The following PRRT1 variants were observed in gnomAD, a reference collection of about 807,000 sequenced individuals.
PRRT1 encodes the protein proline-rich transmembrane protein 1.
A neutral mutation model predicts 22.6 loss-of-function variants in PRRT1; 8 were observed. That is an observed-to-expected ratio of 0.35 (90% CI 0.21 to 0.64). The LOEUF (loss-of-function observed/expected upper bound fraction) is 0.64, where lower values mean the gene tolerates loss of function less well. Ranked by LOEUF, PRRT1 falls within the 30% of genes least tolerant of loss-of-function variation. PRRT1 has a pLI of 0.69. For synonymous variants in PRRT1, 176 were observed against 203.6 expected (o/e 0.86, Z 1.15); for missense variants, 315 against 444.5 (o/e 0.71, Z 2.62).
chr6:32,149,459 C>A lies in PRRT1; in HGVS notation c.745-61G>T. The A allele has an allele frequency of 6.2e-7, 1 of 1,600,536 alleles. No individual in the cohort carries two copies. On this transcript the variant is annotated intron_variant, in intron 3 of 3. Transcript: ENST00000211413. This position sits in a 1 kb window ranked among gnomAD's most constrained non-coding sequence, Gnocchi z 8.7. ...CTGCGGCCTCGTTCGAACGCCTCAG[C>A]CTTTCTCTAAGATGGTCCCCAGAAC...
intron 1 of PRRT1, chr6:32,151,331 A>C: frequency 2.3e-6 from 1 of 427,352 alleles, no homozygotes; most frequent in Non-Finnish European, 4.3e-6. Context: ...GTGGGATGAC[A>C]TGTGTTCCAC....
chr6:32,151,243 C>A (rs1416267485), intron 1 of PRRT1: 3 of 585,134 alleles, frequency 5.1e-6, no homozygotes, highest in Non-Finnish European at 9.2e-6. Context: ...CCTATCCGAG[C>A]TAGTCCTGTG....
chr6:32,148,971 A>T lies in PRRT1; in HGVS notation c.*251T>A, dbSNP rs1463679106. The T allele has an allele frequency of 1.4e-6, 1 of 695,942 alleles. No individual in the cohort carries two copies. The highest frequency in any genetic ancestry group is 1.8e-5 in the African/African-American group (1 of 57,110). The allele number at this position is 695,942 out of a possible 1,614,324, so 43.1% of individuals were successfully genotyped here. ...AGGGTGAGGGGGCCTGGAGCGACTG[A>T]GGGTCCGGCGTTTGGCCGGGATCCC... On this transcript the variant is annotated 3_prime_UTR_variant, in exon 4 of 4. Coordinates refer to ENST00000211413, the MANE Select transcript of PRRT1 (RefSeq NM_030651.4). The surrounding 1 kb of genome is among the most constrained non-coding windows in gnomAD (Gnocchi z 5.7).
At position 32,150,839 on chromosome 6, in the gene PRRT1, G is replaced by C; in HGVS notation, c.87C>G (p.Pro29=). ...PYNAPQPPAE[P]PAPPPQAAPS... is the part of the protein sequence containing the mutation. The stretch of plus-strand genomic sequence containing the variant: ...GGGCTGCCTGTGGCGGTGGGGCTGG[G>C]GGTTCGGCTGGAGGCTGAGGGGCAT... The change falls in exon 2 of 4, where the codon CCC becomes CCG. Residue 29 remains proline (P), a synonymous_variant. Coordinates refer to ENST00000211413, the MANE Select transcript of PRRT1 (RefSeq NM_030651.4). The surrounding 1 kb of genome is among the most constrained non-coding windows in gnomAD (Gnocchi z 7.2). The C allele has an allele frequency of 6.3e-7, 1 of 1,579,670 alleles. No homozygotes were observed. The highest frequency in any genetic ancestry group is 8.6e-7 in the Non-Finnish European group (1 of 1,164,178).
In PRRT1 at chr6:32,150,437, G is replaced by A. The variant is rs756527525; in HGVS notation, c.489C>T (p.Tyr163=). 3 of 1,526,712 alleles carry A rather than the reference G, an allele frequency of 2.0e-6. 1 individual carries two copies. Among genetic ancestry groups the A allele is most frequent in the East Asian group, 2.7e-5 (1 of 37,280 alleles). 94.6% of individuals were successfully genotyped at this position (1,526,712 alleles called of 1,614,324 possible). A position where few individuals can be genotyped will look rare whatever the true frequency, so the allele number is the denominator to read the frequency against. ...GTVGTLPLGG[Y]VAPGYPLQLQ... ...GCTGCAGGGGGTATCCGGGCGCTAC[G>A]TAGCCCCCCAGCGGCAGCGTGCCCA... Residue 163 remains tyrosine (Y), a synonymous_variant, in exon 2 of 4, where the codon TAC becomes TAT. Coordinates refer to ENST00000211413, the MANE Select transcript of PRRT1 (RefSeq NM_030651.4). The surrounding 1 kb of genome is among the most constrained non-coding windows in gnomAD (Gnocchi z 7.2).
upstream of PRRT1, chr6:32,151,984 A>AGGGGGGGGG: frequency 3.9e-5 from 3 of 76,794 alleles, no homozygotes; most frequent in Non-Finnish European, 7.6e-5. Flanking sequence ...GGGCGGAGGG[A>AGGGGGGGGG]GAGCGGGGAG....
chr6:32,150,322 T>G lies in PRRT1; in HGVS notation c.558+46A>C. 3 of 1,539,122 alleles carry G rather than the reference T, an allele frequency of 1.9e-6. No individual in the cohort carries two copies. The highest frequency in any genetic ancestry group is 1.7e-6 in the Non-Finnish European group (2 of 1,152,618). ...AGCGTATCCCCAATTTCAAGTCCTG[T>G]ATCGCGTCCCCCTCTTTCCCATGTC... On this transcript the variant is annotated intron_variant, in intron 2 of 3. Transcript: ENST00000211413. This position sits in a 1 kb window ranked among gnomAD's most constrained non-coding sequence, Gnocchi z 7.2.
upstream of PRRT1, chr6:32,151,951 C>CGGGGGGGGGGGCGGGGGGGGGGGGG: frequency 4.7e-6 from 1 of 214,888 alleles, no homozygotes; most frequent in South Asian, 2.8e-5. Flanking sequence ...AAGGCAGCGG[C>CGGGGGGGGGGGCGGGGGGGGGGGGG]GGGGGGGGGG....
In PRRT1 at chr6:32,150,516, G is replaced by A; in HGVS notation, c.410C>T (p.Pro137Leu). 7.2e-7 allele frequency: 1 copy of A among 1,395,004 alleles called. No homozygotes were observed. The highest frequency in any genetic ancestry group is 9.3e-7 in the Non-Finnish European group (1 of 1,077,194). 86.4% of individuals were successfully genotyped at this position (1,395,004 alleles called of 1,614,324 possible). A position where few individuals can be genotyped will look rare whatever the true frequency, so the allele number is the denominator to read the frequency against. The change falls in exon 2 of 4, where the codon CCA becomes CTA. Residue 137 changes from proline to leucine, a missense_variant. By Grantham distance (98) the Pro-to-Leu change is moderately conservative. Transcript: ENST00000211413. This position sits in a 1 kb window ranked among gnomAD's most constrained non-coding sequence, Gnocchi z 7.2. ...PAAAAPPPPAPAQTAQAPGFV... is the reference protein window; with the variant it reads ...PAAAAPPPPALAQTAQAPGFV... ...GCCAGGGGCCTGGGCAGTCTGGGCT[G>A]GCGCCGGCGGGGGCGGGGCGGCGGC...
rs897987521 is a variant in PRRT1, at chr6:32,148,957, G to T, written c.*265C>A. ...GGCGCTACACTTTGAGGGTGAGGGG[G>T]CCTGGAGCGACTGAGGGTCCGGCGT... On this transcript the variant is annotated 3_prime_UTR_variant, in exon 4 of 4. Transcript: ENST00000211413. The surrounding 1 kb of genome is among the most constrained non-coding windows in gnomAD (Gnocchi z 5.7). 6 of 691,294 alleles carry T rather than the reference G, an allele frequency of 8.7e-6. No homozygotes were observed. The highest frequency in any genetic ancestry group is 5.3e-5 in the African/African-American group (3 of 57,020). The allele number at this position is 691,294 out of a possible 1,614,324, so 42.8% of individuals were successfully genotyped here. A position where few individuals can be genotyped will look rare whatever the true frequency, so the allele number is the denominator to read the frequency against.
chr6:32,148,823 G>C lies in PRRT1; in HGVS notation c.*399C>G. On this transcript the variant is annotated 3_prime_UTR_variant, in exon 4 of 4. Transcript: ENST00000211413. The surrounding 1 kb of genome is among the most constrained non-coding windows in gnomAD (Gnocchi z 5.7). ...CTGGACTGAATCACCCCGCGGAGAA[G>C]AAAAGAAGGCGGAGCCTGCCGACCT... 1 of 508,674 alleles carries C rather than the reference G, an allele frequency of 2.0e-6. No individual in the cohort carries two copies. The highest frequency in any genetic ancestry group is 2.3e-5 in the Admixed American group (1 of 43,974). 31.5% of individuals were successfully genotyped at this position (508,674 alleles called of 1,614,324 possible).
At chr6:32,151,956 G>GT, upstream of PRRT1, 1 of 299,930 alleles carries the variant, frequency 3.3e-6, no homozygotes, top group South Asian at 2.3e-5. Flanking sequence ...AGCGGCGGGG[G>GT]GGGGGGGCGG....
intron 1 of PRRT1, chr6:32,151,247 T>C: frequency 3.5e-6 from 2 of 577,390 alleles, no homozygotes; most frequent in Non-Finnish European, 6.2e-6. Context: ...TCCGAGCTAG[T>C]CCTGTGTGTG....
chr6:32,148,899 T>A lies in PRRT1; in HGVS notation c.*323A>T. 1.6e-6 allele frequency: 1 copy of A among 617,332 alleles called. No homozygotes were observed. Among genetic ancestry groups the A allele is most frequent in the Non-Finnish European group, 3.0e-6 (1 of 331,066 alleles). The allele number at this position is 617,332 out of a possible 1,614,324, so 38.2% of individuals were successfully genotyped here. Reference sequence around the variant, plus strand: ...GGCGGTGCTTATAGAGGAGGCGGGGTTTTAGGGACCAAACCGAGGTTGCTC... The same window carrying A: ...GGCGGTGCTTATAGAGGAGGCGGGGATTTAGGGACCAAACCGAGGTTGCTC... On this transcript the variant is annotated 3_prime_UTR_variant, in exon 4 of 4. Coordinates refer to ENST00000211413, the MANE Select transcript of PRRT1 (RefSeq NM_030651.4). This position sits in a 1 kb window ranked among gnomAD's most constrained non-coding sequence, Gnocchi z 5.7.
At chr6:32,152,310 T>A (rs910046280), upstream of PRRT1, 7 of 387,544 alleles carry the variant, frequency 1.8e-5, no homozygotes, top group African/African-American at 1.3e-4. Context: ...CGTCTCCCCC[T>A]CTTAGCTCCC....
chr6:32,152,899 G>T (rs1783425852), upstream of PRRT1: 1 of 143,570 alleles, frequency 7.0e-6, no homozygotes, highest in African/African-American at 2.6e-5. Flanking sequence ...ATTTACACCA[G>T]TTTTTTTTTT....
At chr6:32,152,215 C>G (rs1268678507), upstream of PRRT1, 1 of 582,196 alleles carries the variant, frequency 1.7e-6, no homozygotes, top group African/African-American at 1.8e-5. Context: ...GGAGTCTCCC[C>G]CACCAAGACT....
Position 32,150,961 on chromosome 6 carries a change from T to C in PRRT1, c.20-55A>G. 7.1e-7 allele frequency: 1 copy of C among 1,412,084 alleles called. No homozygotes were observed. Among genetic ancestry groups the C allele is most frequent in the Non-Finnish European group, 9.7e-7 (1 of 1,030,236 alleles). The allele number at this position is 1,412,084 out of a possible 1,614,324, so 87.5% of individuals were successfully genotyped here. On this transcript the variant is annotated intron_variant, in intron 1 of 3. Transcript: ENST00000211413. This position sits in a 1 kb window ranked among gnomAD's most constrained non-coding sequence, Gnocchi z 7.2. Reference sequence around the variant, plus strand: ...GAGGAAAGATGACACAGTGATGAGTTGAGGAGGGGGTAAGGGGAAACACAG... The same window carrying C: ...GAGGAAAGATGACACAGTGATGAGTCGAGGAGGGGGTAAGGGGAAACACAG...
Position 32,149,922 on chromosome 6 carries a change from A to G in PRRT1, c.559-200T>C. 1.8e-6 allele frequency: 1 copy of G among 570,680 alleles called. No homozygotes were observed. The highest frequency in any genetic ancestry group is 3.1e-6 in the Non-Finnish European group (1 of 324,786). 35.4% of individuals were successfully genotyped at this position (570,680 alleles called of 1,614,324 possible). A position where few individuals can be genotyped will look rare whatever the true frequency, so the allele number is the denominator to read the frequency against. On this transcript the variant is annotated intron_variant, in intron 2 of 3. Transcript: ENST00000211413. The surrounding 1 kb of genome is among the most constrained non-coding windows in gnomAD (Gnocchi z 8.7). ...CCTTCCTTGCTTCATTAACCACCAT[A>G]TTCTTGGGCTTTCTACATTCTCTCC...
Sources: gnomAD v4.1 joint callset for allele counts on GRCh38, gnomAD v4.1.1 for gene constraint, Gnocchi (gnomAD v3.1) non-coding constraint, MANE v1.5 for transcripts, NCBI Gene and HGNC (gene_info 2026-07-23, HGNC 2026-07-21) for gene names.